The following SORCS2 variants were observed in gnomAD, a reference collection of about 807,000 sequenced individuals.
The protein encoded by SORCS2 is sortilin related VPS10 domain containing receptor 2, also known as VPS10 domain-containing receptor SorCS2.
A neutral mutation model predicts 141.6 loss-of-function variants in SORCS2; 100 were observed. The ratio of observed to expected loss-of-function variants is 0.71; its 90% confidence interval spans 0.60 to 0.83. The LOEUF (loss-of-function observed/expected upper bound fraction) is 0.83. SORCS2 is among the 40% of genes least tolerant of loss of function. SORCS2 has a pLI of 0.00. For missense variants in SORCS2, 1,646 were observed against 1,560.2 expected (o/e 1.05, Z -0.93); for synonymous variants, 789 against 676.9 (o/e 1.17, Z -2.57).
intron 4 of SORCS2, among the ~76,000 whole-genome samples, chr4:7,642,850 G>A (rs1720835346): frequency 6.6e-6 from 1 of 152,150 alleles, no homozygotes; most frequent in South Asian, 2.1e-4. Flanking sequence ...ATGATGAGGG[G>A]GCAGAGGCTC....
intron 1 of SORCS2, among the ~76,000 whole-genome samples, chr4:7,250,859 A>T (rs1030828356): frequency 1.3e-5 from 2 of 152,286 alleles, no homozygotes; most frequent in Non-Finnish European, 1.5e-5. Flanking sequence ...GGCGAGAAGA[A>T]CGGGGCCTTT....
Position 7,531,542 on chromosome 4 carries a change from C to T in SORCS2, c.561C>T (p.Phe187=), listed in dbSNP as rs747900594. 3.1e-5 allele frequency: 50 copies of T among 1,613,620 alleles called. No individual in the cohort carries two copies. Among genetic ancestry groups the T allele is most frequent in the South Asian group, 8.8e-5 (8 of 91,054 alleles). ...CCTTTTCCCCCAGGTCATCAGATTTCGGGACGTCCTACACCAAGCTCACCC... is the reference window on the plus strand; with the variant it reads ...CCTTTTCCCCCAGGTCATCAGATTTTGGGACGTCCTACACCAAGCTCACCC... ...LESSLWRSSD[F]GTSYTKLTLQ... is the part of the protein sequence containing the mutation. Residue 187 remains phenylalanine (F), a synonymous_variant, in exon 3 of 27, where the codon TTC becomes TTT. Coordinates refer to ENST00000507866, the MANE Select transcript of SORCS2 (RefSeq NM_020777.3).
At chr4:7,449,372 CCCCT>C (rs1316642956) in intron 2 of SORCS2, among the ~76,000 whole-genome samples, 3 of 71,288 alleles carry the variant, frequency 4.2e-5, no homozygotes, top group African/African-American at 5.9e-5. Context: ...TCCTTTCTCT[CCCCT>C]CCCTCCCTCC....
chr4:7,538,587 T>TCACACACACACACACACACACACA (rs34526550), intron 3 of SORCS2, among the ~76,000 whole-genome samples: 75 of 150,688 alleles, frequency 5.0e-4, no homozygotes, highest in African/African-American at 1.7e-3. Flanking sequence ...AATATTAAAA[T>TCACACACACACACACACACACACA]CACACACACA....
At chr4:7,388,161 C>T (rs936583946) in intron 1 of SORCS2, among the ~76,000 whole-genome samples, 1 of 150,890 alleles carries the variant, frequency 6.6e-6, no homozygotes, top group African/African-American at 2.4e-5. Flanking sequence ...GATGCCCCCA[C>T]ACCTGAAGCT....
intron 1 of SORCS2, among the ~76,000 whole-genome samples, chr4:7,311,383 A>G (rs1057040724): frequency 7.2e-5 from 11 of 152,176 alleles, no homozygotes; most frequent in African/African-American, 2.4e-4. Context: ...CAACACTCCT[A>G]TACGAGCTTT....
chr4:7,517,602 G>C (rs150061421), intron 2 of SORCS2, among the ~76,000 whole-genome samples: 1 of 152,150 alleles, frequency 6.6e-6, no homozygotes, highest in African/African-American at 2.4e-5. Context: ...TTATCATTTT[G>C]TTCCAGGACC....
In SORCS2 at chr4:7,413,898, C is replaced by T. The variant is rs80082498; in HGVS notation, c.548+17543C>T. ...AAGCTCTTCTGTGTGCCCTTTTCCT[C>T]CTGCCTATCGGATTGCAGGGTGCTG... On this transcript the variant is annotated intron_variant, in intron 2 of 26. Transcript: ENST00000507866. 1.2e-3 allele frequency among the ~76,000 whole-genome samples: 179 copies of T among 152,238 alleles called. 1 individual carries two copies. Among genetic ancestry groups the T allele is most frequent in the South Asian group, 2.5e-3 (12 of 4,824 alleles).
chr4:7,578,208 T>C (rs1195701350), intron 3 of SORCS2, among the ~76,000 whole-genome samples: 2 of 152,232 alleles, frequency 1.3e-5, no homozygotes, highest in Non-Finnish European at 2.9e-5. Context: ...TCATTTCTAC[T>C]TCTATTTCCA....
At chr4:7,468,095 T>G (rs553717234) in intron 2 of SORCS2, among the ~76,000 whole-genome samples, 1 of 152,300 alleles carries the variant, frequency 6.6e-6, no homozygotes, top group African/African-American at 2.4e-5. Context: ...ATCTCAACTG[T>G]CCCCTGCAAG....
chr4:7,724,588 GTGT>G (rs1379807313), intron 19 of SORCS2, among the ~76,000 whole-genome samples: 1,377 of 47,926 alleles, frequency 0.029, 78 homozygotes, highest in African/African-American at 0.11. Flanking sequence ...GATGGTGGTG[GTGT>G]TGGTGATGGT....
intron 2 of SORCS2, among the ~76,000 whole-genome samples, chr4:7,419,350 G>A (rs1327962191): frequency 1.3e-5 from 2 of 152,144 alleles, no homozygotes; most frequent in African/African-American, 4.8e-5. Context: ...TCTCTCATGG[G>A]GTCTGGCTGG....
chr4:7,250,341 T>G (rs765748529), intron 1 of SORCS2, among the ~76,000 whole-genome samples: 2 of 152,202 alleles, frequency 1.3e-5, no homozygotes, highest in Non-Finnish European at 2.9e-5. Context: ...AGGTTTCTTT[T>G]CTGCAGGCTG....
chr4:7,403,917 A>G (rs926987049), intron 2 of SORCS2, among the ~76,000 whole-genome samples: 4 of 143,674 alleles, frequency 2.8e-5, no homozygotes, highest in Non-Finnish European at 6.0e-5. Flanking sequence ...CCCCATCACA[A>G]TTCCAAGTCT....
intron 2 of SORCS2, among the ~76,000 whole-genome samples, chr4:7,524,800 T>C (rs998205785): frequency 5.5e-5 from 8 of 145,688 alleles, no homozygotes; most frequent in Non-Finnish European, 1.1e-4. Flanking sequence ...CCGCCGCCAC[T>C]GCTTGCCAGC....
chr4:7,268,284 G>A (rs1199446089), intron 1 of SORCS2, among the ~76,000 whole-genome samples: 1 of 152,188 alleles, frequency 6.6e-6, no homozygotes, highest in Non-Finnish European at 1.5e-5. Context: ...ATTGTCTAAA[G>A]GATGCTTCCT....
rs932933359 is a variant in SORCS2 at position 7,663,603 on chromosome 4, G to T, written c.953-750G>T. Among the ~76,000 whole-genome samples, 1 of 152,218 alleles carries T rather than the reference G, an allele frequency of 6.6e-6. No homozygotes were observed. Among genetic ancestry groups the T allele is most frequent in the Non-Finnish European group, 1.5e-5 (1 of 68,042 alleles). On this transcript the variant is annotated intron_variant, in intron 6 of 26. Transcript: ENST00000507866. This position sits in a 1 kb window ranked among gnomAD's most constrained non-coding sequence, Gnocchi z 4.8. ...ACCGGGCAGGTGGGCCCACCCCATT[G>T]TTCAGTGCAGAAACCTGAGGCTGAG...
rs144833024 is a variant in SORCS2 at position 7,193,929 on chromosome 4, C to T, written c.480+803C>T. ...CTCCCACCCTTCCCAAATCCTGCCT[C>T]CTCTGGCCTTTGGTGGTGCATGCAG... On this transcript the variant is annotated intron_variant, in intron 1 of 26. Transcript: ENST00000507866. The surrounding 1 kb of genome is among the most constrained non-coding windows in gnomAD (Gnocchi z 4.8). 2.2e-4 allele frequency among the ~76,000 whole-genome samples: 34 copies of T among 152,302 alleles called. No individual in the cohort carries two copies. Among genetic ancestry groups the T allele is most frequent in the African/African-American group, 7.9e-4 (33 of 41,578 alleles).
Position 7,704,264 on chromosome 4 carries a change from G to A in SORCS2, c.1848G>A (p.Gly616=). 6.2e-7 allele frequency: 1 copy of A among 1,612,142 alleles called. No individual in the cohort carries two copies. ...VFVDGLLSEP[G]DETLVMTVFG... The stretch of plus-strand genomic sequence containing the variant: ...TGGACGGGCTGCTGAGTGAGCCAGG[G>A]GACGAGACGCTGGTCATGACGTGAG... The change falls in exon 14 of 27, where the codon GGG becomes GGA. Residue 616 remains glycine (G), a synonymous_variant. Transcript: ENST00000507866.
Sources: gnomAD v4.1 joint callset for allele counts (sites outside exome capture counted in the v4.1 genomes callset) on GRCh38, gnomAD v4.1.1 for gene constraint, Gnocchi (gnomAD v3.1) non-coding constraint, MANE v1.5 for transcripts, NCBI Gene and HGNC (gene_info 2026-07-23, HGNC 2026-07-21) for gene names.